Variants in TANC2 observed in about 807,000 individuals in gnomAD.
TANC2 encodes tetratricopeptide repeat, ankyrin repeat and coiled-coil containing 2.
TANC2 carries 26 observed loss-of-function variants against 210.5 expected under a neutral mutation model. The observed-to-expected ratio is 0.12, with a 90% CI of 0.09 to 0.17. The LOEUF (loss-of-function observed/expected upper bound fraction) is 0.17, where lower values mean the gene tolerates loss of function less well. TANC2 is among the 10% of genes least tolerant of loss of function. The pLI, the probability that TANC2 is intolerant of heterozygous loss-of-function variation, is 1.00. For synonymous variants in TANC2, 931 were observed against 967.1 expected (o/e 0.96, Z 0.69); for missense variants, 2,129 against 2,608.9 (o/e 0.82, Z 4.01).
intron 15 of TANC2, 47 bp from the exon 16 acceptor site, chr17:63,388,587 CT>C (rs763403033): frequency 8.0e-5 from 124 of 1,554,846 alleles, no homozygotes; most frequent in East Asian, 2.1e-4. Context: ...ACTGATGCTA[CT>C]TTTTTTTGCT....
At chr17:63,380,735 A>G (rs559495976) in intron 15 of TANC2, among the ~76,000 whole-genome samples, 1 of 152,376 alleles carries the variant, frequency 6.6e-6, no homozygotes, top group South Asian at 2.1e-4. Flanking sequence ...TTGTCTTCAG[A>G]GAGAAAGATG....
chr17:63,156,270 T>TG (rs1342470126), intron 5 of TANC2, among the ~76,000 whole-genome samples: 1 of 152,124 alleles, frequency 6.6e-6, no homozygotes, highest in Non-Finnish European at 1.5e-5. Flanking sequence ...TGATGAGCTT[T>TG]GGGGGGAGTC....
chr17:63,356,561 T>A (rs1033539445), intron 14 of TANC2, among the ~76,000 whole-genome samples: 2 of 152,204 alleles, frequency 1.3e-5, no homozygotes, highest in African/African-American at 4.8e-5. Flanking sequence ...CCATGCTGAT[T>A]CATCAGAAAA....
chr17:63,271,017 A>C (rs933592687), intron 9 of TANC2, among the ~76,000 whole-genome samples: 1 of 152,150 alleles, frequency 6.6e-6, no homozygotes, highest in Non-Finnish European at 1.5e-5. Context: ...TTACGGCTTC[A>C]TGGTATTCCA....
Position 63,009,528 on chromosome 17 carries a change from C to A in TANC2, c.-23-9C>A. ...TCTTAAACACATTTTCCTATATTTTCTTTTACAGTTTTGCAGTAGAAGAGT... is the reference window on the plus strand; with the variant it reads ...TCTTAAACACATTTTCCTATATTTTATTTTACAGTTTTGCAGTAGAAGAGT... On this transcript the variant is annotated splice_polypyrimidine_tract_variant and intron_variant, in intron 1 of 27. Transcript: ENST00000689528. 6.3e-7 allele frequency: 1 copy of A among 1,598,460 alleles called. No homozygotes were observed. Among genetic ancestry groups the A allele is most frequent in the South Asian group, 1.1e-5 (1 of 90,268 alleles).
intron 15 of TANC2, among the ~76,000 whole-genome samples, chr17:63,386,160 A>C (rs1466073212): frequency 6.6e-6 from 1 of 152,232 alleles, no homozygotes; most frequent in African/African-American, 2.4e-5. Context: ...ATGGATGATT[A>C]TTAAAAGCTA....
intron 7 of TANC2, among the ~76,000 whole-genome samples, chr17:63,219,816 A>C (rs190522821): frequency 6.6e-6 from 1 of 152,294 alleles, no homozygotes; most frequent in African/African-American, 2.4e-5. Flanking sequence ...TAAAAGCAAA[A>C]ATTAAAAAAA....
intron 12 of TANC2, among the ~76,000 whole-genome samples, chr17:63,341,454 A>G (rs1007925818): frequency 1.3e-5 from 2 of 152,270 alleles, no homozygotes; most frequent in African/African-American, 4.8e-5. Flanking sequence ...TCATCTGCCC[A>G]TAGCATCATA....
At chr17:63,170,390 G>A (rs565928645) in intron 5 of TANC2, among the ~76,000 whole-genome samples, 35 of 150,636 alleles carry the variant, frequency 2.3e-4, no homozygotes, top group Middle Eastern at 3.4e-3. Context: ...AGCCGAGATC[G>A]TGCCACTGCT....
intron 5 of TANC2, among the ~76,000 whole-genome samples, chr17:63,166,922 A>G (rs2040229374): frequency 6.6e-6 from 1 of 152,132 alleles, no homozygotes; most frequent in South Asian, 2.1e-4. Flanking sequence ...CAGTTCAGTT[A>G]AGGGGATAGG....
intron 14 of TANC2, among the ~76,000 whole-genome samples, chr17:63,364,773 G>A (rs2047062413): frequency 6.6e-6 from 1 of 151,284 alleles, no homozygotes; most frequent in Non-Finnish European, 1.5e-5. Context: ...GTGACAGAGT[G>A]AGACCCTGAC....
chr17:63,160,062 G>A (rs1314048362), intron 5 of TANC2, among the ~76,000 whole-genome samples: 1 of 152,224 alleles, frequency 6.6e-6, no homozygotes, highest in African/African-American at 2.4e-5. Context: ...GAGGGAGGGA[G>A]AATGAGAGCA....
At chr17:63,219,819 TA>T (rs915644604) in intron 7 of TANC2, among the ~76,000 whole-genome samples, 7 of 150,618 alleles carry the variant, frequency 4.6e-5, no homozygotes, top group African/African-American at 1.7e-4. Context: ...AAGCAAAAAT[TA>T]AAAAAAAAGA....
At chr17:63,337,999 T>A (rs1463676376) in intron 11 of TANC2, among the ~76,000 whole-genome samples, 1 of 152,242 alleles carries the variant, frequency 6.6e-6, no homozygotes, top group African/African-American at 2.4e-5. Context: ...TGTACCACAT[T>A]GTTTTTATGC....
chr17:63,278,479 C>A (rs2043960895), intron 9 of TANC2, among the ~76,000 whole-genome samples: 1 of 151,624 alleles, frequency 6.6e-6, no homozygotes, highest in African/African-American at 2.4e-5. Context: ...GAAAGAATAA[C>A]AAGTGTTGGT....
At chr17:63,074,459 A>G (rs2036506106) in intron 3 of TANC2, among the ~76,000 whole-genome samples, 1 of 152,068 alleles carries the variant, frequency 6.6e-6, no homozygotes, top group Non-Finnish European at 1.5e-5. Context: ...TCTATTTAAA[A>G]TTTATTATCA....
intron 3 of TANC2, among the ~76,000 whole-genome samples, chr17:63,095,761 A>T (rs1454173845): frequency 6.6e-6 from 1 of 152,156 alleles, no homozygotes; most frequent in Non-Finnish European, 1.5e-5. Context: ...AATGGTATAT[A>T]ATCAAATTCT....
At chr17:63,174,963 C>T (rs1278909008) in intron 5 of TANC2, among the ~76,000 whole-genome samples, 1 of 152,030 alleles carries the variant, frequency 6.6e-6, no homozygotes, top group East Asian at 1.9e-4. Context: ...TATAAATAAA[C>T]ATTGTTAAGA....
At chr17:63,096,301 A>G (rs2037385529) in intron 3 of TANC2, among the ~76,000 whole-genome samples, 1 of 152,180 alleles carries the variant, frequency 6.6e-6, no homozygotes, top group Admixed American at 6.5e-5. Flanking sequence ...AAGGGCCCAG[A>G]GATGAATGAG....
Sources: gnomAD v4.1 joint callset for allele counts (sites outside exome capture counted in the v4.1 genomes callset) on GRCh38, gnomAD v4.1.1 for gene constraint, MANE v1.5 for transcripts, NCBI Gene and HGNC (gene_info 2026-07-23, HGNC 2026-07-21) for gene names.